Variants in BAZ2B observed in about 807,000 individuals in gnomAD.
BAZ2B encodes the protein bromodomain adjacent to zinc finger domain 2B.
Under a neutral mutation model 246.0 loss-of-function variants are expected in BAZ2B, and 91 were observed. That is an observed-to-expected ratio of 0.37 (90% CI 0.31 to 0.44). BAZ2B has a LOEUF of 0.44. BAZ2B is among the 20% of genes least tolerant of loss of function. The pLI is 1.00. For missense variants in BAZ2B, 2,332 were observed against 2,533.7 expected (o/e 0.92, Z 1.71); for synonymous variants, 855 against 860.0 (o/e 0.99, Z 0.10).
chr2:159,586,452 C>A (rs911595635), intron 1 of BAZ2B, among the ~76,000 whole-genome samples: 14 of 152,062 alleles, frequency 9.2e-5, no homozygotes, highest in African/African-American at 3.4e-4. Flanking sequence ...ACCAAGCTAC[C>A]TTAAAAGTGT....
chr2:159,401,052 A>T (rs747144530), intron 16 of BAZ2B, among the ~76,000 whole-genome samples: 3 of 152,184 alleles, frequency 2.0e-5, no homozygotes, highest in South Asian at 2.1e-4. Context: ...CAAAATAAAA[A>T]AAAAAAAGTA....
At chr2:159,348,587 G>A in intron 30 of BAZ2B, 91 bp downstream of exon 30, 1 of 1,401,410 alleles carries the variant, frequency 7.1e-7, no homozygotes. Flanking sequence ...TGAATATGAA[G>A]GACCAATAGA....
At chr2:159,465,128 CA>C (rs1336918208) in intron 3 of BAZ2B, among the ~76,000 whole-genome samples, 2 of 152,186 alleles carry the variant, frequency 1.3e-5, no homozygotes, top group African/African-American at 4.8e-5. Context: ...AAGGTGTCAA[CA>C]AGGCCATGTT....
chr2:159,583,646 A>G (rs1687361408), intron 1 of BAZ2B, among the ~76,000 whole-genome samples: 1 of 152,206 alleles, frequency 6.6e-6, no homozygotes, highest in African/African-American at 2.4e-5. Context: ...TCATTTGTGA[A>G]CAAAAAGAAA....
chr2:159,548,978 T>C, intron 2 of BAZ2B, among the ~76,000 whole-genome samples: 1 of 152,292 alleles, frequency 6.6e-6, no homozygotes, highest in East Asian at 1.9e-4. Flanking sequence ...AAATGTTATA[T>C]TTCAACAACG....
intron 16 of BAZ2B, among the ~76,000 whole-genome samples, chr2:159,402,815 T>C (rs1414375585): frequency 1.3e-5 from 2 of 152,224 alleles, no homozygotes; most frequent in African/African-American, 2.4e-5. Context: ...CAGATAAACA[T>C]GGTAAATTAT....
chr2:159,648,881 T>A, the BAZ2B span, among the ~76,000 whole-genome samples: 174 of 152,272 alleles, frequency 1.1e-3, 1 homozygote, highest in Middle Eastern at 3.4e-3. Flanking sequence ...TCAATTTTTT[T>A]AAAAAACTGC....
At chr2:159,638,876 C>T in the BAZ2B span, among the ~76,000 whole-genome samples, 1 of 152,020 alleles carries the variant, frequency 6.6e-6, no homozygotes, top group Non-Finnish European at 1.5e-5. Context: ...TTAAAGACAT[C>T]AACATTCAAG....
chr2:159,631,617 T>G, the BAZ2B span, among the ~76,000 whole-genome samples: 1 of 152,188 alleles, frequency 6.6e-6, no homozygotes, highest in African/African-American at 2.4e-5. Context: ...ATAAGGTGGC[T>G]CCCATTGGCC....
At chr2:159,574,063 C>T (rs575534705) in intron 1 of BAZ2B, among the ~76,000 whole-genome samples, 1 of 151,906 alleles carries the variant, frequency 6.6e-6, no homozygotes, top group South Asian at 2.1e-4. Flanking sequence ...TGTGCCACTG[C>T]ACTCTACCCA....
chr2:159,474,410 T>C (rs1314643164), intron 3 of BAZ2B, among the ~76,000 whole-genome samples: 1 of 152,200 alleles, frequency 6.6e-6, no homozygotes, highest in African/African-American at 2.4e-5. Context: ...ATTTTCTTGG[T>C]AAATATTCCT....
chr2:159,398,747 A>G (rs944229919), intron 18 of BAZ2B, 82 bp downstream of exon 18: 3 of 1,289,034 alleles, frequency 2.3e-6, no homozygotes, highest in Non-Finnish European at 3.2e-6. Context: ...GAAGAAAGCT[A>G]TTTTTTCATA....
At chr2:159,330,745 C>T (rs1018930088) in intron 34 of BAZ2B, among the ~76,000 whole-genome samples, 1 of 151,812 alleles carries the variant, frequency 6.6e-6, no homozygotes, top group Non-Finnish European at 1.5e-5. Flanking sequence ...GTAGTCCCTG[C>T]TGCTTGGGAG....
At chr2:159,614,413 A>G (rs989514343) in intron 1 of BAZ2B, among the ~76,000 whole-genome samples, 1 of 152,202 alleles carries the variant, frequency 6.6e-6, no homozygotes. Flanking sequence ...CATTATCTTA[A>G]GGTATTTTCC....
At chr2:159,362,794 A>G (rs1456929543) in intron 27 of BAZ2B, among the ~76,000 whole-genome samples, 1 of 152,132 alleles carries the variant, frequency 6.6e-6, no homozygotes, top group African/African-American at 2.4e-5. Flanking sequence ...ATTAAGTTCT[A>G]TCTCTTCTCC....
At chr2:159,329,815 C>G (rs2064399388) in intron 34 of BAZ2B, among the ~76,000 whole-genome samples, 1 of 152,104 alleles carries the variant, frequency 6.6e-6, no homozygotes, top group Non-Finnish European at 1.5e-5. Flanking sequence ...GATTACAGAT[C>G]TTATGTCTCC....
the BAZ2B span, among the ~76,000 whole-genome samples, chr2:159,634,424 C>A: frequency 6.6e-6 from 1 of 152,188 alleles, no homozygotes; most frequent in Admixed American, 6.5e-5. Context: ...TTTGCTCATA[C>A]CCTTGCCATA....
chr2:159,462,605 G>C, intron 3 of BAZ2B: 1 of 885,332 alleles, frequency 1.1e-6, no homozygotes, highest in Non-Finnish European at 1.9e-6. Flanking sequence ...ATTCGAAACA[G>C]TTAGCGAATC....
intron 2 of BAZ2B, among the ~76,000 whole-genome samples, chr2:159,538,930 G>A (rs142657061): frequency 9.2e-5 from 14 of 152,322 alleles, no homozygotes; most frequent in Middle Eastern, 6.8e-3. Flanking sequence ...ACTTTTCCAT[G>A]TGTCTTAAGA....
Sources: gnomAD v4.1 joint callset for allele counts (sites outside exome capture counted in the v4.1 genomes callset) on GRCh38, gnomAD v4.1.1 for gene constraint, MANE v1.5 for transcripts, NCBI Gene and HGNC (gene_info 2026-07-23, HGNC 2026-07-21) for gene names.